Variants in HERC2 observed in about 807,000 individuals in gnomAD.
HERC2 encodes the protein E3 ubiquitin-protein ligase HERC2.
HERC2 carries 102 observed loss-of-function variants against 537.7 expected under a neutral mutation model. The ratio of observed to expected loss-of-function variants is 0.19; its 90% CI spans 0.16 to 0.22. The LOEUF (loss-of-function observed/expected upper bound fraction) is 0.22, where lower values mean the gene tolerates loss of function less well. HERC2 is among the 10% of genes least tolerant of loss of function. HERC2 has a pLI of 1.00. For missense variants in HERC2, 4,236 were observed against 6,198.2 expected (o/e 0.68, Z 10.63); for synonymous variants, 2,224 against 2,466.2 (o/e 0.90, Z 2.91).
At position 28,113,088 on chromosome 15, in the gene HERC2, G is replaced by A. The variant is rs1887827483; in HGVS notation, c.14215C>T (p.Arg4739Ter). 2 of 1,613,390 alleles carry A rather than the reference G, an allele frequency of 1.2e-6. No individual in the cohort carries two copies. The highest frequency in any genetic ancestry group is 1.1e-5 in the South Asian group (1 of 91,072). ...GAGCCTACCTGGATGACGAAGTCTC[G>A]GCCCCGGAAGTCGGCGATGGTCCTG... ...LPRTIADFRG[R>*]DFVIQVLDKY... Residue 4739 changes from arginine to a stop codon, truncating the protein, a stop_gained, in exon 92 of 93, where the codon CGA becomes TGA. Coordinates refer to ENST00000261609, the MANE Select transcript of HERC2 (RefSeq NM_004667.6). LOFTEE classifies it high-confidence loss of function. This position sits in a 1 kb window ranked among gnomAD's most constrained non-coding sequence, Gnocchi z 7.0.
chr15:28,269,266 G>A lies in HERC2; in HGVS notation c.1428C>T (p.Ala476=), dbSNP rs764369184. 1.9e-6 allele frequency: 3 copies of A among 1,613,594 alleles called. No individual in the cohort carries two copies. The highest frequency in any genetic ancestry group is 1.7e-6 in the Non-Finnish European group (2 of 1,179,826). ...LSRNGRVYTQ[A]YNSDTLAPQL... is the part of the protein sequence containing the mutation. ...CACTCACCAGCGTGTCACTATTATA[G>A]GCCTGTGTGTACACGCGGCCATTGC... The change falls in exon 11 of 93, where the codon GCC becomes GCT. Residue 476 remains alanine, a synonymous_variant. Transcript: ENST00000261609.
rs1890230591 is a variant in HERC2 at position 28,132,698 on chromosome 15, G to A, written c.12363C>T (p.Gly4121=). Residue 4121 remains glycine, a synonymous_variant, in exon 80 of 93, where the codon GGC becomes GGT. Coordinates refer to ENST00000261609, the MANE Select transcript of HERC2 (RefSeq NM_004667.6). ...DLYTWGKGRY[G]RLGHSDSEDQ... The stretch of plus-strand genomic sequence containing the variant: ...CCTCACTGTCGCTGTGCCCCAGCCG[G>A]CCGTAGCGGCCTTTGCCCCATGTGT... 1.9e-6 allele frequency: 3 copies of A among 1,589,514 alleles called. No individual in the cohort carries two copies. The highest frequency in any genetic ancestry group is 2.3e-5 in the East Asian group (1 of 42,784).
intron 7 of HERC2, 36 bp downstream of exon 7, chr15:28,274,255 G>C: frequency 2.5e-6 from 4 of 1,609,770 alleles, no homozygotes; most frequent in Non-Finnish European, 3.4e-6. Flanking sequence ...CAGGCCAGCT[G>C]TCTGCGTGCA....
At chr15:28,147,239 A>G (rs1891844811) in intron 70 of HERC2, among the ~76,000 whole-genome samples, 1 of 152,164 alleles carries the variant, frequency 6.6e-6, no homozygotes, top group African/African-American at 2.4e-5. Context: ...AACAGAAGAG[A>G]AAAAGGGTCA....
At chr15:28,250,335 C>A (rs901182582) in intron 20 of HERC2, among the ~76,000 whole-genome samples, 1 of 152,180 alleles carries the variant, frequency 6.6e-6, no homozygotes, top group Non-Finnish European at 1.5e-5. Context: ...CACCAGACAT[C>A]ACCTTCACTA....
chr15:28,186,821 G>A (rs1260745741), intron 55 of HERC2, 69 bp from the exon 56 acceptor site: 16 of 1,167,066 alleles, frequency 1.4e-5, no homozygotes, highest in African/African-American at 3.0e-5. Flanking sequence ...ACTGGAGAAC[G>A]GGATGTGTGA....
At chr15:28,311,254 C>G (rs1255951123) in intron 2 of HERC2, among the ~76,000 whole-genome samples, 1 of 151,728 alleles carries the variant, frequency 6.6e-6, no homozygotes, top group African/African-American at 2.4e-5. Flanking sequence ...TGCTTGAGCC[C>G]AGGAGTTCGA....
At chr15:28,291,099 G>T (rs2076298049) in intron 4 of HERC2, among the ~76,000 whole-genome samples, 1 of 152,200 alleles carries the variant, frequency 6.6e-6, no homozygotes, top group Admixed American at 6.5e-5. Context: ...GCACATTTCA[G>T]CACATTTCTG....
intron 2 of HERC2, chr15:28,312,689 T>C (rs1400485188): frequency 5.4e-6 from 1 of 183,920 alleles, no homozygotes; most frequent in African/African-American, 2.3e-5. Flanking sequence ...ATTTGTAAAG[T>C]GAGAGTATTT....
intron 69 of HERC2, among the ~76,000 whole-genome samples, chr15:28,161,567 C>T (rs916641797): frequency 1.3e-5 from 2 of 152,186 alleles, no homozygotes; most frequent in Admixed American, 6.5e-5. Flanking sequence ...CTTTATACTG[C>T]AGACCTACAG....
intron 55 of HERC2, 53 bp from the exon 56 acceptor site, chr15:28,186,805 CCT>C: frequency 7.5e-7 from 1 of 1,338,994 alleles, no homozygotes; most frequent in Non-Finnish European, 1.1e-6. Flanking sequence ...CATATTAGAT[CCT>C]CTAACTGGAG....
chr15:28,217,502 T>TACCCACCCACAC (rs1461795883), intron 38 of HERC2, among the ~76,000 whole-genome samples: 1 of 151,988 alleles, frequency 6.6e-6, no homozygotes, highest in African/African-American at 2.4e-5. Context: ...GACGCCCACA[T>TACCCACCCACAC]ACCCACCCAC....
At chr15:28,311,846 G>A (rs1210867339) in intron 2 of HERC2, among the ~76,000 whole-genome samples, 2 of 152,036 alleles carry the variant, frequency 1.3e-5, no homozygotes, top group South Asian at 2.1e-4. Flanking sequence ...CCTAGATTGA[G>A]AAACATTAGT....
chr15:28,215,437 A>C (rs1213022279), intron 39 of HERC2, among the ~76,000 whole-genome samples, 184 bp downstream of exon 39: 1 of 152,196 alleles, frequency 6.6e-6, no homozygotes, highest in Non-Finnish European at 1.5e-5. Context: ...AAGCAGGTAA[A>C]CTGAAGGTTA....
At chr15:28,222,390 A>G (rs1438205971) in intron 35 of HERC2, among the ~76,000 whole-genome samples, 175 bp from the exon 36 acceptor site, 4 of 151,948 alleles carry the variant, frequency 2.6e-5, no homozygotes, top group African/African-American at 9.7e-5. Flanking sequence ...AAAGAAGATA[A>G]ACGGAAGGAT....
intron 2 of HERC2, among the ~76,000 whole-genome samples, chr15:28,303,443 A>G (rs1241076648): frequency 6.6e-6 from 1 of 152,196 alleles, no homozygotes; most frequent in Non-Finnish European, 1.5e-5. Context: ...GCCAAAAAAG[A>G]CCAGGAAGTG....
At chr15:28,200,061 T>A (rs1897749759) in intron 48 of HERC2, among the ~76,000 whole-genome samples, 1 of 152,002 alleles carries the variant, frequency 6.6e-6, no homozygotes, top group Non-Finnish European at 1.5e-5. Context: ...AATCAGGTCA[T>A]AAGAGTGGGC....
At chr15:28,116,572 T>C in intron 88 of HERC2, 93 bp downstream of exon 88, 1 of 1,244,772 alleles carries the variant, frequency 8.0e-7, no homozygotes, top group Non-Finnish European at 1.1e-6. Context: ...ATATTCAAGA[T>C]ATCTACTGTC....
intron 88 of HERC2, 112 bp downstream of exon 88, chr15:28,116,553 T>G: frequency 8.7e-7 from 1 of 1,144,084 alleles, no homozygotes; most frequent in African/African-American, 1.5e-5. Context: ...TCTCAAAAAC[T>G]AAAAGCAGAT....
Sources: allele counts gnomAD v4.1 joint callset (sites outside exome capture counted in the v4.1 genomes callset), GRCh38; gene constraint gnomAD v4.1.1; non-coding constraint Gnocchi (gnomAD v3.1); transcripts MANE v1.5; gene names NCBI Gene and HGNC (gene_info 2026-07-23, HGNC 2026-07-21).